The following SUGCT variants were observed in gnomAD, a reference collection of about 807,000 sequenced individuals.
SUGCT encodes the protein succinyl-CoA:glutarate CoA-transferase.
SUGCT carries 41 observed loss-of-function variants against 55.0 expected under a neutral mutation model. That is an observed-to-expected ratio of 0.74 (90% CI 0.58 to 0.97). The LOEUF (loss-of-function observed/expected upper bound fraction) is 0.97, where lower values mean the gene tolerates loss of function less well. SUGCT is among the 50% of genes least tolerant of loss of function. The pLI, the probability that SUGCT is intolerant of heterozygous loss-of-function variation, is 0.00. For missense variants in SUGCT, 568 were observed against 547.8 expected, an observed-to-expected ratio of 1.04 and a Z score of -0.37; for synonymous variants, 187 against 200.4, an observed-to-expected ratio of 0.93 and a Z score of 0.56.
chr7:40,233,995 T>A (rs1254888130), intron 6 of SUGCT, among the ~76,000 whole-genome samples: 1 of 152,234 alleles, frequency 6.6e-6, no homozygotes, highest in Non-Finnish European at 1.5e-5. Context: ...CTATTCCTTT[T>A]CTCTTTAATA....
chr7:40,862,749 T>A (rs1338471808), downstream of SUGCT, among the ~76,000 whole-genome samples: 1 of 148,078 alleles, frequency 6.8e-6, no homozygotes, highest in Admixed American at 6.8e-5. Flanking sequence ...TTTTTTTTTA[T>A]TCTGAAACTT....
At chr7:40,156,731 G>T (rs1170167936) in intron 1 of SUGCT, among the ~76,000 whole-genome samples, 1 of 152,134 alleles carries the variant, frequency 6.6e-6, no homozygotes, top group African/African-American at 2.4e-5. Context: ...GCTACAAATA[G>T]AAATTGTTGG....
chr7:40,847,255 A>ACT (rs35114282), intron 13 of SUGCT, among the ~76,000 whole-genome samples: 102 of 66,524 alleles, frequency 1.5e-3, no homozygotes, highest in African/African-American at 4.3e-3. Context: ...TGTATTTCTT[A>ACT]CACTACCTGT....
At chr7:40,353,705 CAATT>C (rs1238729728) in intron 9 of SUGCT, among the ~76,000 whole-genome samples, 1 of 152,048 alleles carries the variant, frequency 6.6e-6, no homozygotes, top group African/African-American at 2.4e-5. Flanking sequence ...GATTTTCTAT[CAATT>C]AGTCTTAATA....
At chr7:40,960,042 C>T in the SUGCT span, among the ~76,000 whole-genome samples, 2 of 152,094 alleles carry the variant, frequency 1.3e-5, no homozygotes, top group Non-Finnish European at 2.9e-5. Flanking sequence ...TGCCAGGTAC[C>T]TCAGTTGGAA....
chr7:40,237,367 C>T (rs1789082116), intron 6 of SUGCT, among the ~76,000 whole-genome samples: 1 of 151,912 alleles, frequency 6.6e-6, no homozygotes, highest in African/African-American at 2.4e-5. Context: ...TCACTTGAAC[C>T]TGGGAGGTGG....
At chr7:40,508,980 T>A (rs1792772664) in intron 12 of SUGCT, among the ~76,000 whole-genome samples, 1 of 152,008 alleles carries the variant, frequency 6.6e-6, no homozygotes, top group Admixed American at 6.6e-5. Flanking sequence ...ATCTCCTATC[T>A]CGCTTTTTTT....
the SUGCT span, among the ~76,000 whole-genome samples, chr7:40,904,804 A>G: frequency 3.9e-5 from 6 of 152,328 alleles, no homozygotes; most frequent in African/African-American, 1.4e-4. Context: ...ATATATGTAT[A>G]TGTATATATG....
At chr7:40,272,004 C>T (rs976114227) in intron 7 of SUGCT, among the ~76,000 whole-genome samples, 89 of 150,656 alleles carry the variant, frequency 5.9e-4, no homozygotes, top group Admixed American at 4.3e-3. Flanking sequence ...TTGCAAATGA[C>T]AGGAATTTAT....
chr7:40,245,404 C>CACATATAT (rs1252155153), intron 7 of SUGCT, among the ~76,000 whole-genome samples: 2 of 53,326 alleles, frequency 3.8e-5, no homozygotes, highest in African/African-American at 1.8e-4. Context: ...ACGTAGTAGA[C>CACATATAT]ATATATATAT....
At chr7:40,551,244 T>C (rs575100367) in intron 12 of SUGCT, among the ~76,000 whole-genome samples, 184 of 152,314 alleles carry the variant, frequency 1.2e-3, no homozygotes, top group African/African-American at 4.3e-3. Context: ...GGTTTTGGCC[T>C]TTGCATTGAA....
intron 9 of SUGCT, among the ~76,000 whole-genome samples, chr7:40,414,380 A>G (rs1266559311): frequency 6.6e-6 from 1 of 152,080 alleles, no homozygotes; most frequent in Non-Finnish European, 1.5e-5. Flanking sequence ...ATAGCCATCT[A>G]GGTTTTCAGG....
chr7:40,828,088 G>A (rs965626884), intron 13 of SUGCT, among the ~76,000 whole-genome samples: 3 of 152,122 alleles, frequency 2.0e-5, no homozygotes, highest in Admixed American at 6.5e-5. Flanking sequence ...TTGCCTGTTC[G>A]GTGAAGGCTC....
At chr7:40,772,797 A>AT (rs1232495709) in intron 13 of SUGCT, among the ~76,000 whole-genome samples, 2 of 151,670 alleles carry the variant, frequency 1.3e-5, no homozygotes, top group Admixed American at 6.6e-5. Context: ...CAACCAGCTG[A>AT]TTTTTTCAGT....
the SUGCT span, among the ~76,000 whole-genome samples, chr7:40,868,568 G>T: frequency 6.6e-6 from 1 of 152,100 alleles, no homozygotes; most frequent in South Asian, 2.1e-4. Context: ...TGTTTAAGAG[G>T]TGAGCGCTTG....
chr7:40,974,522 C>G, the SUGCT span, among the ~76,000 whole-genome samples: 1 of 152,196 alleles, frequency 6.6e-6, no homozygotes. Flanking sequence ...CCTGCCAAAT[C>G]TTGATCTAGG....
intron 9 of SUGCT, among the ~76,000 whole-genome samples, chr7:40,416,378 A>T (rs1787001931): frequency 6.6e-6 from 1 of 151,758 alleles, no homozygotes; most frequent in Non-Finnish European, 1.5e-5. Flanking sequence ...AATTTGAATA[A>T]TAGTGGTAAT....
At chr7:40,792,012 T>G (rs941283692) in intron 13 of SUGCT, among the ~76,000 whole-genome samples, 10 of 152,186 alleles carry the variant, frequency 6.6e-5, no homozygotes, top group African/African-American at 2.4e-4. Flanking sequence ...AATCCTGTCC[T>G]CTGGCCACAC....
At chr7:40,504,121 T>TTTATAAAGTTATAAAG (rs1792453762) in intron 12 of SUGCT, among the ~76,000 whole-genome samples, 1 of 152,210 alleles carries the variant, frequency 6.6e-6, no homozygotes. Flanking sequence ...AAACTTTTCA[T>TTTATAAAGTTATAAAG]TTATAAAGGT....
Sources: allele counts gnomAD v4.1 joint callset (sites outside exome capture counted in the v4.1 genomes callset), GRCh38; gene constraint gnomAD v4.1.1; transcripts MANE v1.5; gene names NCBI Gene and HGNC (gene_info 2026-07-23, HGNC 2026-07-21).